TMEM38B: variants seen among roughly 807,000 people sequenced by gnomAD.
The protein encoded by TMEM38B is trimeric intracellular cation channel type B.
Under a neutral mutation model 28.7 loss-of-function variants are expected in TMEM38B, and 24 were observed. The observed-to-expected ratio is 0.84, with a 90% confidence interval of 0.61 to 1.18. The LOEUF (loss-of-function observed/expected upper bound fraction) is 1.18. Ranked by LOEUF, TMEM38B falls within the 50% of genes most tolerant of loss-of-function variation. The pLI is 0.00. For missense variants in TMEM38B, 380 were observed against 350.9 expected (o/e 1.08, Z -0.66); for synonymous variants, 131 against 127.7 (o/e 1.03, Z -0.17).
intron 5 of TMEM38B, among the ~76,000 whole-genome samples, chr9:105,754,170 G>C (rs1353687166): frequency 1.3e-5 from 2 of 152,170 alleles, no homozygotes; most frequent in Non-Finnish European, 2.9e-5. Context: ...AAGGGACCTA[G>C]ACTTCCACAC....
At chr9:105,700,640 G>A (rs1201673319) in intron 1 of TMEM38B, among the ~76,000 whole-genome samples, 1 of 152,002 alleles carries the variant, frequency 6.6e-6, no homozygotes, top group African/African-American at 2.4e-5. Flanking sequence ...AATGATTTCT[G>A]TCGTTTCTAT....
At chr9:105,759,186 G>T in intron 5 of TMEM38B, 2 of 742,872 alleles carry the variant, frequency 2.7e-6, no homozygotes, top group South Asian at 3.0e-5. Flanking sequence ...AGATCTCCTT[G>T]AACCTCTCCT....
intron 2 of TMEM38B, chr9:105,710,624 C>T: frequency 2.6e-6 from 2 of 756,934 alleles, no homozygotes; most frequent in Non-Finnish European, 4.9e-6. Flanking sequence ...AGAAGCAAAT[C>T]CTCTCTTGGA....
At chr9:105,699,381 CT>C (rs1382452063) in intron 1 of TMEM38B, among the ~76,000 whole-genome samples, 2 of 152,192 alleles carry the variant, frequency 1.3e-5, no homozygotes, top group Non-Finnish European at 2.9e-5. Flanking sequence ...ATATATCCTA[CT>C]GCCAGAGTTC....
At chr9:105,703,866 A>G (rs1402474563) in intron 1 of TMEM38B, among the ~76,000 whole-genome samples, 3 of 152,042 alleles carry the variant, frequency 2.0e-5, no homozygotes, top group African/African-American at 2.4e-5. Flanking sequence ...GTGTCTGTTC[A>G]TGTCCTTCGC....
At chr9:105,759,076 T>C in intron 5 of TMEM38B, 2 of 806,186 alleles carry the variant, frequency 2.5e-6, no homozygotes, top group Non-Finnish European at 4.5e-6. Context: ...TTATCTGCCA[T>C]GAAGTGCCTA....
intron 4 of TMEM38B, among the ~76,000 whole-genome samples, chr9:105,737,089 C>G (rs752385151): frequency 1.3e-5 from 2 of 152,178 alleles, no homozygotes; most frequent in African/African-American, 2.4e-5. Context: ...CTGCAGGGTG[C>G]GTGCTTGGAT....
intron 4 of TMEM38B, among the ~76,000 whole-genome samples, chr9:105,723,307 G>A (rs971069208): frequency 1.6e-4 from 25 of 152,052 alleles, no homozygotes; most frequent in African/African-American, 5.8e-4. Flanking sequence ...CTGCAGCCTA[G>A]ACCTCTTAGG....
chr9:105,712,066 A>T (rs10816301), intron 2 of TMEM38B, among the ~76,000 whole-genome samples: 3 of 151,784 alleles, frequency 2.0e-5, no homozygotes, highest in African/African-American at 7.3e-5. Flanking sequence ...AGGTGCATGA[A>T]ACTATGCCCA....
At chr9:105,725,182 A>T in intron 4 of TMEM38B, among the ~76,000 whole-genome samples, 1 of 151,980 alleles carries the variant, frequency 6.6e-6, no homozygotes, top group Admixed American at 6.6e-5. Context: ...TTAAAATTGC[A>T]ACACCTCGTT....
At chr9:105,734,031 G>A (rs1299037457) in intron 4 of TMEM38B, among the ~76,000 whole-genome samples, 1 of 151,122 alleles carries the variant, frequency 6.6e-6, no homozygotes, top group Non-Finnish European at 1.5e-5. Context: ...GATGCATAAT[G>A]TTAGTTATTT....
At chr9:105,724,796 C>G (rs1836448345) in intron 4 of TMEM38B, among the ~76,000 whole-genome samples, 1 of 152,120 alleles carries the variant, frequency 6.6e-6, no homozygotes, top group African/African-American at 2.4e-5. Context: ...AAATAAGATA[C>G]TCTTGATATT....
chr9:105,742,883 T>C (rs1428985529), intron 4 of TMEM38B, among the ~76,000 whole-genome samples: 1 of 152,238 alleles, frequency 6.6e-6, no homozygotes, highest in Non-Finnish European at 1.5e-5. Context: ...CAGTTACACA[T>C]ATAATTTCCA....
intron 5 of TMEM38B, among the ~76,000 whole-genome samples, chr9:105,765,143 ATTTG>A (rs1311155990): frequency 6.6e-6 from 1 of 152,220 alleles, no homozygotes; most frequent in Admixed American, 6.5e-5. Flanking sequence ...TTTCTAAGGC[ATTTG>A]TATGCTGAAA....
At chr9:105,717,266 A>G (rs562589555) in intron 2 of TMEM38B, among the ~76,000 whole-genome samples, 13 of 152,340 alleles carry the variant, frequency 8.5e-5, no homozygotes, top group African/African-American at 2.6e-4. Flanking sequence ...AAATAACTAG[A>G]AGCAATAAAA....
At chr9:105,742,334 C>G (rs1229551884) in intron 4 of TMEM38B, among the ~76,000 whole-genome samples, 1 of 152,200 alleles carries the variant, frequency 6.6e-6, no homozygotes, top group Admixed American at 6.5e-5. Context: ...GTGGACTCAC[C>G]TCAAGCCACA....
chr9:105,759,547 C>T, intron 5 of TMEM38B: 1 of 1,561,210 alleles, frequency 6.4e-7, no homozygotes, highest in Non-Finnish European at 8.8e-7. Flanking sequence ...TATGCATGAT[C>T]TGTCCTCTAA....
chr9:105,703,653 C>T (rs2133549652), intron 1 of TMEM38B, among the ~76,000 whole-genome samples: 1 of 152,182 alleles, frequency 6.6e-6, no homozygotes, highest in South Asian at 2.1e-4. Flanking sequence ...AACTAGTTTA[C>T]AGTCCCACCA....
intron 2 of TMEM38B, 103 bp from the exon 3 acceptor site, chr9:105,721,434 C>T: frequency 1.4e-5 from 12 of 851,108 alleles, no homozygotes; most frequent in South Asian, 2.6e-5. Flanking sequence ...TGGAAAATTC[C>T]ATTTGTTGTG....
Sources: allele counts gnomAD v4.1 joint callset (sites outside exome capture counted in the v4.1 genomes callset), GRCh38; gene constraint gnomAD v4.1.1; transcripts MANE v1.5; gene names NCBI Gene and HGNC (gene_info 2026-07-23, HGNC 2026-07-21).